Variants in PCDHGA6 observed in about 807,000 individuals in gnomAD.
PCDHGA6 encodes the protein protocadherin gamma subfamily A, 6.
PCDHGA6 carries 41 observed loss-of-function variants against 60.6 expected under a neutral mutation model. The ratio of observed to expected loss-of-function variants is 0.68; its 90% CI spans 0.53 to 0.88. The LOEUF (loss-of-function observed/expected upper bound fraction) is 0.88. Ranked by LOEUF, PCDHGA6 falls within the 40% of genes least tolerant of loss-of-function variation. PCDHGA6 has a pLI of 0.00. For missense variants in PCDHGA6, 1,312 were observed against 1,203.0 expected, an observed-to-expected ratio of 1.09 and a Z score of -1.34; for synonymous variants, 594 against 524.4, an observed-to-expected ratio of 1.13 and a Z score of -1.81.
At chr5:141,379,976 T>C (rs1459223613) in intron 1 of PCDHGA6, among the ~76,000 whole-genome samples, 1 of 140,200 alleles carries the variant, frequency 7.1e-6, no homozygotes, top group Admixed American at 8.2e-5. Flanking sequence ...CTCTGCTCAC[T>C]GCAACTTCCT....
rs17097211 is a variant in PCDHGA6 at position 141,423,498 on chromosome 5, G to A, written c.2424+46991G>A. 9.4e-4 allele frequency: 1,510 copies of A among 1,613,948 alleles called. 9 individuals are homozygous for A. In the African/African-American group the frequency reaches 0.016, roughly 17 times the overall value. ...CTTTCCTGCAAACCTATTCCCACGA[G>A]GTCTCTCTCATTGCGGACTCGCAGA... On this transcript the variant is annotated intron_variant, in intron 1 of 3. Transcript: ENST00000517434.
chr5:141,415,305 C>G (rs200439097), intron 1 of PCDHGA6: 1 of 1,614,234 alleles, frequency 6.2e-7, no homozygotes, highest in African/African-American at 1.3e-5. Context: ...TCTTCCTGGC[C>G]TTCGTCATCG....
chr5:141,375,897 C>T lies in PCDHGA6; in HGVS notation c.1814C>T (p.Ser605Phe). 6.2e-7 allele frequency: 1 copy of T among 1,613,798 alleles called. No homozygotes were observed. Among genetic ancestry groups the T allele is most frequent in the South Asian group, 1.1e-5 (1 of 91,072 alleles). ...DRDSGQNAWLSYRLLKASEPG... is the reference protein window; with the variant it reads ...DRDSGQNAWLFYRLLKASEPG... The stretch of plus-strand genomic sequence containing the variant: ...GACTCGGGCCAGAACGCCTGGCTGT[C>T]CTACCGCCTGCTCAAGGCCAGCGAG... Residue 605 changes from serine to phenylalanine, a missense_variant, in exon 1 of 4, where the codon TCC becomes TTC. Ser to Phe is a radical substitution (Grantham distance 155). Transcript: ENST00000517434.
Position 141,431,674 on chromosome 5 carries a change from G to T in PCDHGA6, c.2424+55167G>T. 6.2e-7 allele frequency: 1 copy of T among 1,614,234 alleles called. No homozygotes were observed. ...ATTCAGGGACAATATCAACAATAGG[G>T]GAGTTGGACCACGAGGAGTCAGGAT... is the stretch of plus-strand genomic sequence containing the variant. On this transcript the variant is annotated intron_variant, in intron 1 of 3. Transcript: ENST00000517434. This position sits in a 1 kb window ranked among gnomAD's most constrained non-coding sequence, Gnocchi z 4.8.
At position 141,437,305 on chromosome 5, in the gene PCDHGA6, G is replaced by A. The variant is rs369317069; in HGVS notation, c.2425-57502G>A. On this transcript the variant is annotated intron_variant, in intron 1 of 3. Transcript: ENST00000517434. ...TATCCATTTCATCTAACAAGTTAAA[G>A]CGTTCAGCTATAATTTAAAATTTGT... 1.8e-4 allele frequency among the ~76,000 whole-genome samples: 28 copies of A among 152,266 alleles called. No homozygotes were observed. In the South Asian group the frequency reaches 4.8e-3, roughly 26 times the overall value.
At position 141,489,748 on chromosome 5, in the gene PCDHGA6, T is replaced by C. The variant is rs763688648; in HGVS notation, c.2425-5059T>C. On this transcript the variant is annotated intron_variant, in intron 1 of 3. Transcript: ENST00000517434. The surrounding 1 kb of genome is among the most constrained non-coding windows in gnomAD (Gnocchi z 4.5). ...TGTGGGCACCAATACTGTGAGCTTT[T>C]ACACTCTAAGCCCCAACAGCCACTT... is the stretch of plus-strand genomic sequence containing the variant. The C allele has an allele frequency of 1.8e-5, 29 of 1,614,038 alleles. No homozygotes were observed. Among genetic ancestry groups the C allele is most frequent in the Non-Finnish European group, 1.6e-5 (19 of 1,180,010 alleles).
chr5:141,375,647 T>A lies in PCDHGA6; in HGVS notation c.1564T>A (p.Tyr522Asn), dbSNP rs1265306389. 6.2e-7 allele frequency: 1 copy of A among 1,614,156 alleles called. No individual in the cohort carries two copies. Among genetic ancestry groups the A allele is most frequent in the Admixed American group, 1.7e-5 (1 of 60,028 alleles). ...TCTGTACGCCCTGCGCTCCTTCGAC[T>A]ATGAGCAGTTGAGAGACCTACAGCT... ...GILYALRSFDYEQLRDLQLWV... is the reference protein window; with the variant it reads ...GILYALRSFDNEQLRDLQLWV... The change falls in exon 1 of 4, where the codon TAT (tyrosine) becomes AAT (asparagine). Residue 522 changes from tyrosine (Y) to asparagine (N), a missense_variant. Tyr to Asn is a moderately radical substitution (Grantham distance 143). Transcript: ENST00000517434.
At position 141,487,074 on chromosome 5, in the gene PCDHGA6, T is replaced by C; in HGVS notation, c.2425-7733T>C. The C allele has an allele frequency of 6.2e-7, 1 of 1,614,104 alleles. No homozygotes were observed. The highest frequency in any genetic ancestry group is 8.5e-7 in the Non-Finnish European group (1 of 1,179,978). Reference sequence around the variant, plus strand: ...GGGGAGGTGCGGACGGCTGTTCCTATCCCAGCTGACCTCCCACCACAGAAG... The same window carrying C: ...GGGGAGGTGCGGACGGCTGTTCCTACCCCAGCTGACCTCCCACCACAGAAG... On this transcript the variant is annotated intron_variant, in intron 1 of 3. Transcript: ENST00000517434. The surrounding 1 kb of genome is among the most constrained non-coding windows in gnomAD (Gnocchi z 5.0).
At chr5:141,455,920 C>T (rs941360102) in intron 1 of PCDHGA6, among the ~76,000 whole-genome samples, 1 of 147,944 alleles carries the variant, frequency 6.8e-6, no homozygotes, top group Non-Finnish European at 1.5e-5. Context: ...TATTTTGAGA[C>T]GGAGTCTCGC....
In PCDHGA6 at chr5:141,414,957, G is replaced by C. The variant is rs550492051; in HGVS notation, c.2424+38450G>C. 9.2e-5 allele frequency: 148 copies of C among 1,614,018 alleles called. No homozygotes were observed. Among genetic ancestry groups the C allele is most frequent in the Non-Finnish European group, 1.2e-4 (144 of 1,180,044 alleles). ...CAGAGCCCGGCTACCTGGTGACCAA[G>C]GTGGTGGCGGTGGACAGAGACTCCG... is the stretch of plus-strand genomic sequence containing the variant. On this transcript the variant is annotated intron_variant, in intron 1 of 3. Coordinates refer to ENST00000517434, the MANE Select transcript of PCDHGA6 (RefSeq NM_018919.3).
At chr5:141,438,290 A>G (rs1043285243) in intron 1 of PCDHGA6, among the ~76,000 whole-genome samples, 5 of 152,074 alleles carry the variant, frequency 3.3e-5, no homozygotes, top group East Asian at 3.9e-4. Flanking sequence ...TTTAATCTGT[A>G]TGTAAAAGAA....
At chr5:141,399,445 G>A (rs2093810599) in intron 1 of PCDHGA6, 1 of 1,614,032 alleles carries the variant, frequency 6.2e-7, no homozygotes, top group Non-Finnish European at 8.5e-7. Context: ...ACATATCAGA[G>A]ACGTCAACGA....
At chr5:141,421,613 A>G in intron 1 of PCDHGA6, 2 of 1,613,838 alleles carry the variant, frequency 1.2e-6, no homozygotes, top group South Asian at 2.2e-5. Flanking sequence ...GATATTAATG[A>G]TAACGCCCCC....
Position 141,390,485 on chromosome 5 carries a change from T to G in PCDHGA6, c.2424+13978T>G, listed in dbSNP as rs919971230. On this transcript the variant is annotated intron_variant, in intron 1 of 3. Transcript: ENST00000517434. The stretch of plus-strand genomic sequence containing the variant: ...GCAATTGTGTGGCCCAACATTTGTT[T>G]GTTTTTTAGCCAAGCTTAGATTTAT... The G allele has an allele frequency of 1.4e-5, 9 of 656,166 alleles. No homozygotes were observed. The African/African-American group carries it at 1.5e-4, about 11-fold the overall frequency. The allele number at this position is 656,166 out of a possible 1,614,324, so 40.6% of individuals were successfully genotyped here.
chr5:141,374,955 T>C lies in PCDHGA6; in HGVS notation c.872T>C (p.Ile291Thr), dbSNP rs1213878932. 1.2e-6 allele frequency: 2 copies of C among 1,613,888 alleles called. No homozygotes were observed. The change falls in exon 1 of 4, where the codon ATT (isoleucine) becomes ACT (threonine). Residue 291 changes from isoleucine (I) to threonine (T), a missense_variant. Coordinates refer to ENST00000517434, the MANE Select transcript of PCDHGA6 (RefSeq NM_018919.3). The part of the protein sequence containing the change: ...FVKITEKISQ[I>T]FCLNVLTGEI... The stretch of plus-strand genomic sequence containing the variant: ...AAGATTACAGAAAAGATCTCACAAA[T>C]TTTCTGTTTGAATGTTTTGACTGGA...
At position 141,478,334 on chromosome 5, in the gene PCDHGA6, C is replaced by T. The variant is rs1303200872; in HGVS notation, c.2425-16473C>T. 2.5e-6 allele frequency: 4 copies of T among 1,613,944 alleles called. No individual in the cohort carries two copies. The highest frequency in any genetic ancestry group is 3.4e-6 in the Non-Finnish European group (4 of 1,180,016). ...GAGCTCACTGTACCGAACACCAGGG[C>T]CCTCCTTGCACGCGGACGCCGTGCG... On this transcript the variant is annotated intron_variant, in intron 1 of 3. Coordinates refer to ENST00000517434, the MANE Select transcript of PCDHGA6 (RefSeq NM_018919.3).
chr5:141,410,086 G>A (rs759204005), intron 1 of PCDHGA6: 3 of 1,612,588 alleles, frequency 1.9e-6, no homozygotes, highest in Non-Finnish European at 2.5e-6. Flanking sequence ...AGGTGCGCAC[G>A]GCTCGAGCCT....
At position 141,491,770 on chromosome 5, in the gene PCDHGA6, G is replaced by C. The variant is rs1230581925; in HGVS notation, c.2425-3037G>C. 1 of 1,560,888 alleles carries C rather than the reference G, an allele frequency of 6.4e-7. No individual in the cohort carries two copies. Among genetic ancestry groups the C allele is most frequent in the Non-Finnish European group, 8.7e-7 (1 of 1,154,942 alleles). On this transcript the variant is annotated intron_variant, in intron 1 of 3. Coordinates refer to ENST00000517434, the MANE Select transcript of PCDHGA6 (RefSeq NM_018919.3). This position sits in a 1 kb window ranked among gnomAD's most constrained non-coding sequence, Gnocchi z 6.9. ...TGGAGAAGCCGCCCGTCCTCATAAG[G>C]GATTGAACTTGCATCCACTCCTCTC...
intron 1 of PCDHGA6, chr5:141,395,106 A>G: frequency 3.1e-6 from 5 of 1,614,150 alleles, no homozygotes; most frequent in Admixed American, 3.3e-5. Flanking sequence ...CGACTCGCGG[A>G]AGAGTCACCT....
Sources: gnomAD v4.1 joint callset for allele counts (sites outside exome capture counted in the v4.1 genomes callset) on GRCh38, gnomAD v4.1.1 for gene constraint, Gnocchi (gnomAD v3.1) non-coding constraint, MANE v1.5 for transcripts, NCBI Gene and HGNC (gene_info 2026-07-23, HGNC 2026-07-21) for gene names.